SCN10A: variants seen among roughly 807,000 people sequenced by gnomAD.
SCN10A encodes sodium voltage-gated channel alpha subunit 10.
In SCN10A, 162 loss-of-function variants were observed where a neutral mutation model predicts 170.7. That is an observed-to-expected ratio of 0.95 (90% CI 0.84 to 1.08). The LOEUF is 1.08. Among genes scored for constraint, SCN10A ranks in the 50% least tolerant of loss-of-function variants. The pLI, the probability that SCN10A is intolerant of heterozygous loss-of-function variation, is 0.00. For missense variants in SCN10A, 2,527 were observed against 2,436.9 expected (o/e 1.04, Z -0.78); for synonymous variants, 985 against 904.6 (o/e 1.09, Z -1.59).
intron 6 of SCN10A, among the ~76,000 whole-genome samples, chr3:38,762,601 G>A (rs1483923358): frequency 6.6e-6 from 1 of 152,152 alleles, no homozygotes; most frequent in Non-Finnish European, 1.5e-5. Flanking sequence ...TGAGGCAGAA[G>A]AGACAGTATG....
At chr3:38,737,842 T>TTTCTTTCTCTTTC (rs2063586715) in intron 15 of SCN10A, among the ~76,000 whole-genome samples, 3 of 145,678 alleles carry the variant, frequency 2.1e-5, no homozygotes, top group Non-Finnish European at 3.0e-5. Flanking sequence ...CTCTTTCTTC[T>TTTCTTTCTCTTTC]TTCTTTCTTT....
chr3:38,719,367 C>CTTTTT (rs555646896), intron 20 of SCN10A, among the ~76,000 whole-genome samples: 25 of 69,118 alleles, frequency 3.6e-4, no homozygotes, highest in Non-Finnish European at 4.5e-4. Flanking sequence ...GGCTGCCACT[C>CTTTTT]TTTTTTTTTT....
At position 38,806,167 on chromosome 3, in the gene SCN10A, G is replaced by A. The variant is rs145258516; in HGVS notation, c.-33+9870C>T. The stretch of plus-strand genomic sequence containing the variant: ...ATTGGTGCTAAAAGGGAAGAAGAGC[G>A]TAATTCAAGAAAGAAAGCTGGAGTT... On this transcript the variant is annotated intron_variant, in intron 1 of 27. Transcript: ENST00000449082. Among the ~76,000 whole-genome samples, 633 of 152,210 alleles carry A rather than the reference G, an allele frequency of 4.2e-3. 6 individuals are homozygous for A. The highest frequency in any genetic ancestry group is 0.014 in the African/African-American group (598 of 41,536).
At chr3:38,727,146 C>T (rs543834085) in intron 16 of SCN10A, 94 bp from the exon 17 acceptor site, 16 of 1,175,376 alleles carry the variant, frequency 1.4e-5, no homozygotes, top group Admixed American at 1.0e-4. Context: ...AAGACAGCCA[C>T]GGCCTGGGCC....
chr3:38,729,584 G>A (rs1339418740), intron 15 of SCN10A, among the ~76,000 whole-genome samples: 1 of 152,180 alleles, frequency 6.6e-6, no homozygotes, highest in East Asian at 1.9e-4. Context: ...CAATGGTTTA[G>A]TTACTGAGAA....
At chr3:38,777,512 G>A (rs1054227799) in intron 4 of SCN10A, among the ~76,000 whole-genome samples, 46 of 152,150 alleles carry the variant, frequency 3.0e-4, no homozygotes, top group African/African-American at 1.0e-3. Context: ...TAAATGTGGC[G>A]ATTCTTCCTG....
intron 1 of SCN10A, among the ~76,000 whole-genome samples, chr3:38,802,110 A>G (rs140791962): frequency 6.6e-6 from 1 of 152,122 alleles, no homozygotes; most frequent in Non-Finnish European, 1.5e-5. Context: ...ATGCTTCCTC[A>G]AATCTTCCTC....
In SCN10A at chr3:38,728,754, C is replaced by A. The variant is rs145712124; in HGVS notation, c.2428G>T (p.Gly810Trp). Residue 810 changes from glycine to tryptophan, a missense_variant, in exon 16 of 28, where the codon GGG becomes TGG. Coordinates refer to ENST00000449082, the MANE Select transcript of SCN10A (RefSeq NM_006514.4). Reference protein sequence around the residue: ...VFALVGKQLLGENYRNNRKNI... With the variant: ...VFALVGKQLLWENYRNNRKNI... The stretch of plus-strand genomic sequence containing the variant: ...TTTCGGTTGTTACGGTAGTTTTCCC[C>A]TAGGAGCTGCTTGCCAACCAGAGCA... The A allele has an allele frequency of 5.7e-4, 928 of 1,614,186 alleles. No individual in the cohort carries two copies. The highest frequency in any genetic ancestry group is 7.3e-4 in the Non-Finnish European group (860 of 1,180,032).
chr3:38,719,316 GA>G (rs1376420945), intron 20 of SCN10A, among the ~76,000 whole-genome samples: 1 of 147,674 alleles, frequency 6.8e-6, no homozygotes, highest in Non-Finnish European at 1.5e-5. Context: ...GGTGGAGATG[GA>G]AAAGAATAGG....
At chr3:38,771,433 G>A (rs570387360) in intron 4 of SCN10A, 26 bp from the exon 5 acceptor site, 4 of 1,611,768 alleles carry the variant, frequency 2.5e-6, no homozygotes, top group Non-Finnish European at 3.4e-6. Context: ...GAAAAGGAGT[G>A]TCAACTGTGC....
chr3:38,774,016 T>G (rs927655281), intron 4 of SCN10A, among the ~76,000 whole-genome samples: 1 of 152,226 alleles, frequency 6.6e-6, no homozygotes, highest in Non-Finnish European at 1.5e-5. Context: ...CTGTTTTTTT[T>G]GTCAGAATCT....
intron 2 of SCN10A, 53 bp downstream of exon 2, chr3:38,793,688 C>G: frequency 1.9e-6 from 3 of 1,580,484 alleles, no homozygotes; most frequent in Non-Finnish European, 2.6e-6. Context: ...TGGGTGGGAC[C>G]GAGACTTCCT....
At chr3:38,793,707 G>A in intron 2 of SCN10A, 34 bp downstream of exon 2, 1 of 1,597,070 alleles carries the variant, frequency 6.3e-7, no homozygotes, top group Non-Finnish European at 8.6e-7. Context: ...CTCTCCAAGA[G>A]CTGAGAGCAG....
chr3:38,767,043 A>T (rs1383726702), intron 5 of SCN10A, among the ~76,000 whole-genome samples: 1 of 148,960 alleles, frequency 6.7e-6, no homozygotes, highest in African/African-American at 2.5e-5. Flanking sequence ...GCCTTGAATG[A>T]TTTTTTTTTT....
chr3:38,809,591 A>G (rs1422217901), intron 1 of SCN10A, among the ~76,000 whole-genome samples: 1 of 152,204 alleles, frequency 6.6e-6, no homozygotes, highest in African/African-American at 2.4e-5. Flanking sequence ...GCAATGGGTT[A>G]GTGGTTAGTA....
chr3:38,763,872 C>G (rs1352679177), intron 5 of SCN10A, among the ~76,000 whole-genome samples: 1 of 152,204 alleles, frequency 6.6e-6, no homozygotes, highest in Non-Finnish European at 1.5e-5. Flanking sequence ...CCAGTCTCCT[C>G]AGACACTGAT....
At chr3:38,742,681 A>G (rs2063646931) in intron 13 of SCN10A, 152 bp from the exon 14 acceptor site, 2 of 684,106 alleles carry the variant, frequency 2.9e-6, no homozygotes, top group Non-Finnish European at 5.2e-6. Context: ...TTCATTTCCT[A>G]TATTTTGAAC....
At chr3:38,795,774 C>A (rs943317689) in intron 1 of SCN10A, among the ~76,000 whole-genome samples, 1 of 152,070 alleles carries the variant, frequency 6.6e-6, no homozygotes, top group Non-Finnish European at 1.5e-5. Flanking sequence ...ACTTCAACAG[C>A]GCTAGCATTT....
At chr3:38,710,275 T>G (rs2063258867) in intron 24 of SCN10A, among the ~76,000 whole-genome samples, 1 of 152,168 alleles carries the variant, frequency 6.6e-6, no homozygotes, top group Non-Finnish European at 1.5e-5. Context: ...TTCTCCTGTC[T>G]CAGTCTCCCG....
Sources: gnomAD v4.1 joint callset for allele counts (sites outside exome capture counted in the v4.1 genomes callset) on GRCh38, gnomAD v4.1.1 for gene constraint, MANE v1.5 for transcripts, NCBI Gene and HGNC (gene_info 2026-07-23, HGNC 2026-07-21) for gene names.